CDH23: variants seen among roughly 807,000 people sequenced by gnomAD.
The protein encoded by CDH23 is cadherin related 23.
CDH23 carries 189 observed loss-of-function variants against 317.1 expected under a neutral mutation model. The ratio of observed to expected loss-of-function variants is 0.60; its 90% CI spans 0.53 to 0.67. The LOEUF (loss-of-function observed/expected upper bound fraction) is 0.67, where lower values mean the gene tolerates loss of function less well. Ranked by LOEUF, CDH23 falls within the 30% of genes least tolerant of loss-of-function variation. The pLI, the probability that CDH23 is intolerant of heterozygous loss-of-function variation, is 0.00. For missense variants in CDH23, 4,401 were observed against 4,592.4 expected, an observed-to-expected ratio of 0.96 and a Z score of 1.20; for synonymous variants, 1,839 against 1,876.8, an observed-to-expected ratio of 0.98 and a Z score of 0.52.
chr10:71,723,750 G>C (rs894626318), intron 28 of CDH23, among the ~76,000 whole-genome samples: 1 of 152,176 alleles, frequency 6.6e-6, no homozygotes, highest in Non-Finnish European at 1.5e-5. Context: ...TGGACCCAGC[G>C]AGCTGCAGTG....
intron 9 of CDH23, among the ~76,000 whole-genome samples, chr10:71,592,019 A>T (rs1158830409): frequency 6.6e-6 from 1 of 152,188 alleles, no homozygotes; most frequent in African/African-American, 2.4e-5. Context: ...CAGTGGACAG[A>T]CGGATCAGAC....
intron 6 of CDH23, among the ~76,000 whole-genome samples, chr10:71,553,695 C>T (rs1856726082): frequency 6.6e-6 from 1 of 152,222 alleles, no homozygotes. Context: ...AGATGTAAGG[C>T]CCGCCCTGAG....
intron 9 of CDH23, among the ~76,000 whole-genome samples, chr10:71,600,934 A>G (rs1490242976): frequency 6.6e-6 from 1 of 152,172 alleles, no homozygotes. Flanking sequence ...CAAATTTGCC[A>G]TCTTTTCTCA....
intron 11 of CDH23, among the ~76,000 whole-genome samples, chr10:71,620,331 C>G (rs949496095): frequency 6.6e-6 from 1 of 152,110 alleles, no homozygotes; most frequent in Non-Finnish European, 1.5e-5. Flanking sequence ...GCACAGCGCC[C>G]AGTACGTTAG....
chr10:71,796,356 G>T (rs1358789719), intron 48 of CDH23, among the ~76,000 whole-genome samples: 2 of 152,176 alleles, frequency 1.3e-5, no homozygotes, highest in Middle Eastern at 3.2e-3. Context: ...GAGCAGGCAG[G>T]GACTCTGGGA....
chr10:71,445,714 G>A (rs1850123823), intron 2 of CDH23, among the ~76,000 whole-genome samples: 1 of 151,988 alleles, frequency 6.6e-6, no homozygotes, highest in Non-Finnish European at 1.5e-5. Flanking sequence ...AGCCTGGCAT[G>A]GGGCATGCCT....
intron 20 of CDH23, among the ~76,000 whole-genome samples, chr10:71,691,834 C>T (rs1259838510): frequency 4.6e-5 from 7 of 152,220 alleles, no homozygotes; most frequent in Non-Finnish European, 8.8e-5. Context: ...CATCCCTCCA[C>T]GTTGGAAGTC....
intron 6 of CDH23, among the ~76,000 whole-genome samples, chr10:71,529,157 G>A (rs1204882595): frequency 6.6e-6 from 1 of 152,182 alleles, no homozygotes; most frequent in Admixed American, 6.5e-5. Flanking sequence ...GTAGCTCTGG[G>A]TGGGGCCTGA....
At chr10:71,633,005 G>T (rs1280510974) in intron 11 of CDH23, among the ~76,000 whole-genome samples, 1 of 152,114 alleles carries the variant, frequency 6.6e-6, no homozygotes, top group Non-Finnish European at 1.5e-5. Flanking sequence ...GTGGTGCAGG[G>T]CATCTCGCAT....
intron 3 of CDH23, among the ~76,000 whole-genome samples, chr10:71,491,726 TAA>T (rs1253000743): frequency 6.6e-6 from 1 of 152,108 alleles, no homozygotes; most frequent in African/African-American, 2.4e-5. Context: ...AAAGATGAGG[TAA>T]AGAGGTCTTC....
chr10:71,760,607 T>A, intron 38 of CDH23: 1 of 440,314 alleles, frequency 2.3e-6, no homozygotes, highest in Admixed American at 3.7e-5. Context: ...GCACTTGCCC[T>A]GGCCAAAGGT....
intron 1 of CDH23, among the ~76,000 whole-genome samples, chr10:71,427,250 A>AGAAAGG (rs1849144607): frequency 8.6e-5 from 12 of 140,324 alleles, no homozygotes; most frequent in African/African-American, 3.4e-4. Flanking sequence ...AGAAAGGGAA[A>AGAAAGG]GAAAGAAAGA....
intron 27 of CDH23, 128 bp downstream of exon 27, chr10:71,709,339 G>T (rs949721502): frequency 1.4e-6 from 1 of 739,140 alleles, no homozygotes; most frequent in Non-Finnish European, 2.2e-6. Context: ...GGGCCACCAG[G>T]CACTCACCAA....
At chr10:71,697,423 C>T (rs1462713398) in intron 22 of CDH23, among the ~76,000 whole-genome samples, 1 of 152,184 alleles carries the variant, frequency 6.6e-6, no homozygotes, top group African/African-American at 2.4e-5. Context: ...AATCTCAGCA[C>T]TTTGGGAGGC....
In CDH23 at chr10:71,798,353, GC is replaced by G. The variant is rs1200012430; in HGVS notation, c.6831del (p.Lys2278SerfsTer2). ...LPERSVSVPN[A>X]KLTVNVLDVN... ...TCCCTCACTCCCTGCCTCCACCACA[GC>G]CAAGCTGACTGTCAACGTCCTGGAC... On this transcript the variant is annotated frameshift_variant and splice_region_variant, in exon 50 of 70. Coordinates refer to ENST00000224721, the MANE Select transcript of CDH23 (RefSeq NM_022124.6). LOFTEE classifies it high-confidence loss of function. The G allele has an allele frequency of 1.9e-6, 3 of 1,612,830 alleles. No individual in the cohort carries two copies. The highest frequency in any genetic ancestry group is 2.5e-6 in the Non-Finnish European group (3 of 1,178,802).
chr10:71,517,500 C>T (rs1220162882), intron 6 of CDH23, among the ~76,000 whole-genome samples: 2 of 152,214 alleles, frequency 1.3e-5, no homozygotes, highest in East Asian at 3.8e-4. Flanking sequence ...TCCCACATGG[C>T]GTGCCTGTCA....
At chr10:71,549,841 G>C (rs1312093854) in intron 6 of CDH23, among the ~76,000 whole-genome samples, 1 of 152,214 alleles carries the variant, frequency 6.6e-6, no homozygotes, top group African/African-American at 2.4e-5. Flanking sequence ...AGATGATCAG[G>C]AAGGCAGCTG....
At chr10:71,809,576 G>C (rs1051579833) in intron 60 of CDH23, among the ~76,000 whole-genome samples, 1 of 152,192 alleles carries the variant, frequency 6.6e-6, no homozygotes, top group African/African-American at 2.4e-5. Context: ...CCTAGCATGG[G>C]ACAACAGAGT....
intron 6 of CDH23, among the ~76,000 whole-genome samples, chr10:71,521,957 T>C (rs750715098): frequency 6.6e-6 from 1 of 152,152 alleles, no homozygotes; most frequent in African/African-American, 2.4e-5. Context: ...CAAGTGCAGC[T>C]CAACCCTGAG....
Sources: allele counts gnomAD v4.1 joint callset (sites outside exome capture counted in the v4.1 genomes callset), GRCh38; gene constraint gnomAD v4.1.1; transcripts MANE v1.5; gene names NCBI Gene and HGNC (gene_info 2026-07-23, HGNC 2026-07-21).